The following DEPDC7 variants were observed in gnomAD, a reference collection of about 807,000 sequenced individuals.
The protein encoded by DEPDC7 is DEP domain-containing protein 7.
Under a neutral mutation model 56.6 loss-of-function variants are expected in DEPDC7, and 41 were observed. That is an observed-to-expected ratio of 0.72 (90% CI 0.56 to 0.94). DEPDC7 has a LOEUF of 0.94. Among genes scored for constraint, DEPDC7 ranks in the 40% least tolerant of loss-of-function variants. The pLI, the probability that DEPDC7 is intolerant of heterozygous loss-of-function variation, is 0.00. For synonymous variants in DEPDC7, 185 were observed against 208.8 expected (o/e 0.89, Z 0.98); for missense variants, 522 against 596.3 (o/e 0.88, Z 1.30).
exon 9 of DEPDC7, chr11:33,033,576 TGTATAAC>T: frequency 1.5e-6 from 1 of 678,388 alleles, no homozygotes. Flanking sequence ...AAAATTTTTT[TGTATAAC>T]TTCGTGTGTC....
In DEPDC7 at chr11:33,028,673, C is replaced by G. The variant is rs775565647; in HGVS notation, c.663C>G (p.Asp221Glu). Residue 221 changes from aspartate (D) to glutamate (E), a missense_variant, in exon 4 of 9, where the codon GAC (aspartate) becomes GAG (glutamate). Coordinates refer to ENST00000241051, the MANE Select transcript of DEPDC7 (RefSeq NM_001077242.2). ...LLQLVDLPLL[D>E]SLLKQQEAVP... ...AACTTGTAGACCTTCCACTTCTTGA[C>G]TCCTTACTGAAACAGCAAGAGGCTG... The G allele has an allele frequency of 2.5e-6, 4 of 1,613,842 alleles. No homozygotes were observed. Among genetic ancestry groups the G allele is most frequent in the Non-Finnish European group, 3.4e-6 (4 of 1,179,922 alleles).
At chr11:33,017,210 T>C (rs559017829) in intron 1 of DEPDC7, among the ~76,000 whole-genome samples, 1 of 152,328 alleles carries the variant, frequency 6.6e-6, no homozygotes, top group South Asian at 2.1e-4. Flanking sequence ...GAATGTCTCC[T>C]TGATTTATGT....
chr11:33,016,781 A>G (rs747024268), intron 1 of DEPDC7, among the ~76,000 whole-genome samples: 1 of 152,186 alleles, frequency 6.6e-6, no homozygotes, highest in African/African-American at 2.4e-5. Context: ...TATCACTTCT[A>G]AAATGCTGGT....
intron 3 of DEPDC7, 143 bp downstream of exon 3, chr11:33,027,956 A>C: frequency 1.3e-6 from 1 of 761,686 alleles, no homozygotes; most frequent in Non-Finnish European, 1.9e-6. Flanking sequence ...TTTATGTTCA[A>C]TTTTAACAGA....
At chr11:33,030,306 G>A (rs1004472800) in intron 4 of DEPDC7, among the ~76,000 whole-genome samples, 1 of 152,110 alleles carries the variant, frequency 6.6e-6, no homozygotes, top group African/African-American at 2.4e-5. Context: ...CGCTAGAAGT[G>A]ACCTTAAAGA....
intron 1 of DEPDC7, among the ~76,000 whole-genome samples, chr11:33,021,249 C>CA (rs761364901): frequency 0.19 from 22,357 of 115,530 alleles, 1,944 homozygotes; most frequent in East Asian, 0.44. Flanking sequence ...GACACCATCT[C>CA]AAAAAAAAAA....
chr11:33,027,882 T>C (rs1193356289), intron 3 of DEPDC7, 69 bp downstream of exon 3: 1 of 1,391,838 alleles, frequency 7.2e-7, no homozygotes, highest in Non-Finnish European at 9.5e-7. Flanking sequence ...TTTTTTAATC[T>C]TAATCTTTAT....
chr11:33,028,755 C>T lies in DEPDC7; in HGVS notation c.745C>T (p.Leu249=). The T allele has an allele frequency of 6.2e-7, 1 of 1,613,026 alleles. No individual in the cohort carries two copies. Among genetic ancestry groups the T allele is most frequent in the Non-Finnish European group, 8.5e-7 (1 of 1,179,784 alleles). ...QSTMVNSSNY[L]DRGILKAYSD... The stretch of plus-strand genomic sequence containing the variant: ...CACCATGGTCAACAGCAGTAACTAT[C>T]TGGATCGAGGGATTCTCAAGGCTTA... The change falls in exon 4 of 9, where the codon CTG becomes TTG. Residue 249 remains leucine, a synonymous_variant. Transcript: ENST00000241051.
chr11:33,031,127 G>A (rs7951976), intron 4 of DEPDC7, among the ~76,000 whole-genome samples: 61,093 of 151,992 alleles, frequency 0.4, 12,437 homozygotes, highest in East Asian at 0.46. Context: ...TCACCTCTGT[G>A]TTGTGGTGGA....
chr11:33,019,792 C>T (rs7105777), intron 1 of DEPDC7, among the ~76,000 whole-genome samples: 91,837 of 151,822 alleles, frequency 0.6, 27,946 homozygotes, highest in Middle Eastern at 0.7. Context: ...CTCTGTAAAC[C>T]GCTAGGAAAT....
chr11:33,025,343 A>G (rs1435720102), intron 1 of DEPDC7, among the ~76,000 whole-genome samples: 1 of 152,004 alleles, frequency 6.6e-6, no homozygotes, highest in Non-Finnish European at 1.5e-5. Context: ...TATCTTATCC[A>G]GCTTTATTTT....
Position 33,033,559 on chromosome 11 carries a change from C to A in DEPDC7, c.*104C>A. ...TGGAAGCTCTAAATTTGAAACTGTA[C>A]TTAATAAAAATTTTTTTGTATAACT... On this transcript the variant is annotated 3_prime_UTR_variant, in exon 9 of 9. Transcript: ENST00000241051. 1 of 876,376 alleles carries A rather than the reference C, an allele frequency of 1.1e-6. No individual in the cohort carries two copies. Among genetic ancestry groups the A allele is most frequent in the Non-Finnish European group, 1.7e-6 (1 of 598,384 alleles). The allele number at this position is 876,376 out of a possible 1,614,324, so 54.3% of individuals were successfully genotyped here.
chr11:33,024,741 A>G (rs931753488), intron 1 of DEPDC7, among the ~76,000 whole-genome samples: 4 of 151,758 alleles, frequency 2.6e-5, no homozygotes, highest in Non-Finnish European at 5.9e-5. Context: ...TTATAATTGT[A>G]TAGGACCACT....
In DEPDC7 at chr11:33,030,648, A is replaced by G. The variant is rs551884653; in HGVS notation, c.783-730A>G. Among the ~76,000 whole-genome samples, 19 of 152,176 alleles carry G rather than the reference A, an allele frequency of 1.2e-4. No individual in the cohort carries two copies. In the East Asian group the frequency reaches 3.1e-3, roughly 25 times the overall value. ...GCCCAGGCTGGAGTGCAGTGGCTCAATCTTGGCTCACTGCAGCCTCTGCCT... is the reference window on the plus strand; with the variant it reads ...GCCCAGGCTGGAGTGCAGTGGCTCAGTCTTGGCTCACTGCAGCCTCTGCCT... On this transcript the variant is annotated intron_variant, in intron 4 of 8. Transcript: ENST00000241051.
intron 1 of DEPDC7, among the ~76,000 whole-genome samples, chr11:33,019,121 C>A (rs1853496443): frequency 6.6e-6 from 1 of 152,186 alleles, no homozygotes; most frequent in Non-Finnish European, 1.5e-5. Context: ...AGCACTGTGT[C>A]TGCTGCGTTA....
At chr11:33,024,765 C>G (rs1233981454) in intron 1 of DEPDC7, among the ~76,000 whole-genome samples, 1 of 148,294 alleles carries the variant, frequency 6.7e-6, no homozygotes, top group Middle Eastern at 3.7e-3. Flanking sequence ...ATATGTGGTC[C>G]ATCGTTGACA....
chr11:33,019,535 G>A (rs745344653), intron 1 of DEPDC7, among the ~76,000 whole-genome samples: 2 of 151,768 alleles, frequency 1.3e-5, no homozygotes, highest in East Asian at 1.9e-4. Flanking sequence ...GTGTAGTGGC[G>A]CACACCTGTA....
intron 8 of DEPDC7, 44 bp downstream of exon 8, chr11:33,033,011 T>A: frequency 6.9e-7 from 1 of 1,448,606 alleles, no homozygotes; most frequent in Non-Finnish European, 9.4e-7. Flanking sequence ...AAAGACAAAT[T>A]TCAGGTGTTT....
At chr11:33,021,319 T>G (rs1290375237) in intron 1 of DEPDC7, among the ~76,000 whole-genome samples, 2 of 151,970 alleles carry the variant, frequency 1.3e-5, no homozygotes, top group African/African-American at 4.8e-5. Context: ...TAGATAGTGA[T>G]GGATTTTAAA....
Sources: gnomAD v4.1 joint callset for allele counts (sites outside exome capture counted in the v4.1 genomes callset) on GRCh38, gnomAD v4.1.1 for gene constraint, MANE v1.5 for transcripts, NCBI Gene and HGNC (gene_info 2026-07-23, HGNC 2026-07-21) for gene names.